DAOA: variants seen among roughly 807,000 people sequenced by gnomAD.
The protein encoded by DAOA is D-amino acid oxidase regulator.
Under a neutral mutation model 16.4 loss-of-function variants are expected in DAOA, and 15 were observed. The observed-to-expected ratio is 0.91, with a 90% CI of 0.61 to 1.41. The LOEUF (loss-of-function observed/expected upper bound fraction) is 1.41, where lower values mean the gene tolerates loss of function less well. DAOA is among the 40% of genes most tolerant of loss of function. The pLI is 0.00. For missense variants in DAOA, 230 were observed against 176.8 expected, an observed-to-expected ratio of 1.30 and a Z score of -1.71; for synonymous variants, 75 against 59.1, an observed-to-expected ratio of 1.27 and a Z score of -1.23.
At chr13:105,484,854 G>T (rs1223475712) in intron 4 of DAOA, among the ~76,000 whole-genome samples, 1 of 152,036 alleles carries the variant, frequency 6.6e-6, no homozygotes, top group Non-Finnish European at 1.5e-5. Flanking sequence ...TAGAAATATT[G>T]AAAGCAGACA....
At chr13:105,486,854 C>CA (rs1420755500) in intron 4 of DAOA, among the ~76,000 whole-genome samples, 1 of 152,048 alleles carries the variant, frequency 6.6e-6, no homozygotes, top group Non-Finnish European at 1.5e-5. Context: ...TCCTGACCTC[C>CA]AGTGATCTGC....
chr13:105,487,172 G>C (rs1878174480), intron 4 of DAOA, among the ~76,000 whole-genome samples: 2 of 152,080 alleles, frequency 1.3e-5, no homozygotes, highest in African/African-American at 4.8e-5. Flanking sequence ...AAAATACCCG[G>C]AGTCTCACAT....
At chr13:105,474,934 G>A (rs913161545) in intron 4 of DAOA, 2 of 746,218 alleles carry the variant, frequency 2.7e-6, no homozygotes, top group Non-Finnish European at 1.6e-6. Flanking sequence ...GCAGAAGATT[G>A]TATTTCCCGT....
intron 2 of DAOA, among the ~76,000 whole-genome samples, chr13:105,466,594 T>G (rs1876531728): frequency 6.6e-6 from 1 of 152,152 alleles, no homozygotes; most frequent in Non-Finnish European, 1.5e-5. Flanking sequence ...TCAAAGAGTT[T>G]GAATCTTTAA....
chr13:105,479,351 T>G (rs1173753789), intron 4 of DAOA, among the ~76,000 whole-genome samples: 1 of 152,194 alleles, frequency 6.6e-6, no homozygotes, highest in Non-Finnish European at 1.5e-5. Context: ...TTATTGAAAT[T>G]CTCTAGGGCT....
In DAOA at chr13:105,478,733, C is replaced by A. The variant is rs148378294; in HGVS notation, c.281+6048C>A. 4.6e-5 allele frequency among the ~76,000 whole-genome samples: 7 copies of A among 152,076 alleles called. 1 individual carries two copies. The highest frequency in any genetic ancestry group is 5.9e-5 in the Non-Finnish European group (4 of 68,008). Reference sequence around the variant, plus strand: ...ATTAAAAATAATTTTATTTTAATGGCGGAGACTCTGATTTGTCCCATGCCC... The same window carrying A: ...ATTAAAAATAATTTTATTTTAATGGAGGAGACTCTGATTTGTCCCATGCCC... On this transcript the variant is annotated intron_variant, in intron 4 of 5. Transcript: ENST00000375936.
rs774174487 is a variant in DAOA, at chr13:105,472,522, T to G, written c.134-16T>G. The G allele has an allele frequency of 6.2e-7, 1 of 1,611,424 alleles. No homozygotes were observed. The highest frequency in any genetic ancestry group is 1.1e-5 in the South Asian group (1 of 90,774). ...GAGTTAATATGTATTATATATCCAC[T>G]TAAATACTGTTGCAGCAAAGGAGAC... On this transcript the variant is annotated splice_polypyrimidine_tract_variant and intron_variant, in intron 3 of 5. Transcript: ENST00000375936.
chr13:105,485,291 C>T (rs1235967987), intron 4 of DAOA, among the ~76,000 whole-genome samples: 4 of 152,094 alleles, frequency 2.6e-5, no homozygotes, highest in Non-Finnish European at 4.4e-5. Flanking sequence ...ACAGATCAAA[C>T]TTGGCATGTC....
intron 4 of DAOA, among the ~76,000 whole-genome samples, chr13:105,473,924 C>G (rs565320774): frequency 6.6e-6 from 1 of 152,222 alleles, no homozygotes; most frequent in Non-Finnish European, 1.5e-5. Context: ...ACTTCCTTAT[C>G]AAACTTTCCT....
At chr13:105,475,128 C>T (rs1226178856) in intron 4 of DAOA, 2 of 797,048 alleles carry the variant, frequency 2.5e-6, no homozygotes, top group Non-Finnish European at 3.0e-6. Flanking sequence ...TGAAGTCAGC[C>T]TTAGAAACCA....
Position 105,467,101 on chromosome 13 carries a change from C to G in DAOA, c.93C>G (p.Ser31Arg), listed in dbSNP as rs888020952. The change falls in exon 3 of 6, where the codon AGC becomes AGG. Residue 31 changes from serine (S) to arginine (R), a missense_variant. Ser to Arg is a moderately radical substitution (Grantham distance 110, BLOSUM62 -1). Transcript: ENST00000375936. Reference sequence around the variant, plus strand: ...TCTACTTCATAGGTTTTCAAAGGAGCATTCTTCTGAGCAAATCTGAAAACT... The same window carrying G: ...TCTACTTCATAGGTTTTCAAAGGAGGATTCTTCTGAGCAAATCTGAAAACT... Reference protein sequence around the residue: ...GKIYFIGFQRSILLSKSENSL... With the variant: ...GKIYFIGFQRRILLSKSENSL... The G allele has an allele frequency of 6.2e-7, 1 of 1,610,598 alleles. No homozygotes were observed. The highest frequency in any genetic ancestry group is 1.7e-5 in the Admixed American group (1 of 59,892).
At chr13:105,466,735 G>A (rs1876545789) in intron 2 of DAOA, among the ~76,000 whole-genome samples, 1 of 151,898 alleles carries the variant, frequency 6.6e-6, no homozygotes, top group African/African-American at 2.4e-5. Context: ...TGCTTATTTT[G>A]CAGTTAAAAG....
chr13:105,481,402 C>T (rs1405081211), intron 4 of DAOA, among the ~76,000 whole-genome samples: 1 of 152,094 alleles, frequency 6.6e-6, no homozygotes, highest in Non-Finnish European at 1.5e-5. Context: ...ATTCAAACCC[C>T]TATAACTCCA....
chr13:105,486,979 G>A (rs1878155995), intron 4 of DAOA, among the ~76,000 whole-genome samples: 3 of 152,024 alleles, frequency 2.0e-5, no homozygotes, highest in Admixed American at 1.3e-4. Context: ...CTCCATTACA[G>A]GTCTACATTT....
chr13:105,475,329 T>C (rs1310873870), intron 4 of DAOA, among the ~76,000 whole-genome samples: 1 of 152,154 alleles, frequency 6.6e-6, no homozygotes, highest in Non-Finnish European at 1.5e-5. Context: ...AAAGGAAGTG[T>C]TATTGTTCCC....
intron 3 of DAOA, chr13:105,467,510 T>C (rs1036204119): frequency 6.2e-6 from 1 of 161,556 alleles, no homozygotes; most frequent in Non-Finnish European, 1.3e-5. Flanking sequence ...CTTTTAAATA[T>C]CTATAGGCGC....
chr13:105,465,885 A>C (rs528270743), upstream of DAOA: 1 of 159,270 alleles, frequency 6.3e-6, no homozygotes, highest in Admixed American at 6.4e-5. Flanking sequence ...CTTTCATTTA[A>C]AGAACCAAAC....
At chr13:105,473,869 A>T (rs1877162049) in intron 4 of DAOA, among the ~76,000 whole-genome samples, 1 of 152,120 alleles carries the variant, frequency 6.6e-6, no homozygotes, top group Non-Finnish European at 1.5e-5. Context: ...CAGGAAAGCT[A>T]CTTAAATAAG....
At chr13:105,482,623 C>T (rs769231331) in intron 4 of DAOA, among the ~76,000 whole-genome samples, 13 of 151,878 alleles carry the variant, frequency 8.6e-5, no homozygotes, top group Non-Finnish European at 1.8e-4. Flanking sequence ...AATTCTCCTG[C>T]CTCAGCCTCC....
Sources: gnomAD v4.1 joint callset for allele counts (sites outside exome capture counted in the v4.1 genomes callset) on GRCh38, gnomAD v4.1.1 for gene constraint, MANE v1.5 for transcripts, NCBI Gene and HGNC (gene_info 2026-07-23, HGNC 2026-07-21) for gene names.